The following CD1B variants were observed in gnomAD, a reference collection of about 807,000 sequenced individuals.
CD1B encodes the protein T-cell surface glycoprotein CD1b.
A neutral mutation model predicts 39.8 loss-of-function variants in CD1B; 43 were observed. The ratio of observed to expected loss-of-function variants is 1.08; its 90% CI spans 0.85 to 1.39. CD1B has a LOEUF of 1.39. CD1B is among the 40% of genes most tolerant of loss of function. The pLI is 0.00. For synonymous variants in CD1B, 192 were observed against 152.5 expected (o/e 1.26, Z -1.91); for missense variants, 495 against 403.8 (o/e 1.23, Z -1.94).
chr1:158,309,288 T>A, the CD1B span, among the ~76,000 whole-genome samples: 17 of 152,274 alleles, frequency 1.1e-4, no homozygotes, highest in African/African-American at 3.9e-4. Context: ...TGAGATACCA[T>A]CTCACAGCCT....
the CD1B span, chr1:158,293,757 A>G: frequency 1.6e-6 from 1 of 622,490 alleles, no homozygotes; most frequent in Non-Finnish European, 2.8e-6. Flanking sequence ...TGTTATGTGC[A>G]TGCAACACTT....
chr1:158,304,058 C>T, the CD1B span, among the ~76,000 whole-genome samples: 19 of 152,128 alleles, frequency 1.2e-4, 1 homozygote, highest in South Asian at 4.2e-4. Context: ...CTGAGGTACC[C>T]GGCTCATCTC....
intron 1 of CD1B, 102 bp from the exon 2 acceptor site, chr1:158,331,164 T>G: frequency 7.8e-7 from 1 of 1,276,792 alleles, no homozygotes; most frequent in Non-Finnish European, 1.1e-6. Context: ...GAACCTAGAG[T>G]CTAAAGAACA....
the CD1B span, among the ~76,000 whole-genome samples, chr1:158,299,475 C>G: frequency 4.0e-5 from 6 of 150,216 alleles, no homozygotes; most frequent in African/African-American, 1.5e-4. Flanking sequence ...CTAAAACTCT[C>G]AGCATCAGGA....
the CD1B span, among the ~76,000 whole-genome samples, chr1:158,295,628 C>T: frequency 5.9e-5 from 9 of 152,106 alleles, no homozygotes; most frequent in African/African-American, 2.2e-4. Flanking sequence ...GACTATCAGA[C>T]CTGGACAGAA....
chr1:158,324,300 T>A (rs1652277322), downstream of CD1B, among the ~76,000 whole-genome samples: 1 of 152,184 alleles, frequency 6.6e-6, no homozygotes, highest in Admixed American at 6.5e-5. Flanking sequence ...GCTGCCTACC[T>A]AGGGCCTTGA....
chr1:158,320,043 G>A, the CD1B span, among the ~76,000 whole-genome samples: 1 of 152,210 alleles, frequency 6.6e-6, no homozygotes, highest in Admixed American at 6.5e-5. Context: ...CTGCGTACTG[G>A]GAGAACCACT....
At chr1:158,312,344 C>T in the CD1B span, among the ~76,000 whole-genome samples, 3 of 152,162 alleles carry the variant, frequency 2.0e-5, no homozygotes, top group Non-Finnish European at 4.4e-5. Flanking sequence ...TCTCTTGCTG[C>T]TGCTGTGAAA....
chr1:158,301,044 C>G, the CD1B span, among the ~76,000 whole-genome samples: 1 of 151,864 alleles, frequency 6.6e-6, no homozygotes, highest in Non-Finnish European at 1.5e-5. Flanking sequence ...AGGTGTGAGC[C>G]ACCGTGCCTT....
the CD1B span, among the ~76,000 whole-genome samples, chr1:158,312,300 T>C: frequency 6.6e-6 from 1 of 152,132 alleles, no homozygotes; most frequent in Non-Finnish European, 1.5e-5. Context: ...ATGATAGTTT[T>C]AAAAACAGTA....
chr1:158,326,131 C>A (rs531995611), downstream of CD1B, among the ~76,000 whole-genome samples: 1 of 152,036 alleles, frequency 6.6e-6, no homozygotes, highest in East Asian at 1.9e-4. Flanking sequence ...CCATCATGCC[C>A]GGCTAATTTT....
the CD1B span, among the ~76,000 whole-genome samples, chr1:158,303,708 C>T: frequency 6.6e-6 from 1 of 152,036 alleles, no homozygotes; most frequent in Non-Finnish European, 1.5e-5. Flanking sequence ...AGGAATATAG[C>T]TAACCAAGAA....
the CD1B span, among the ~76,000 whole-genome samples, chr1:158,314,831 A>G: frequency 8.8e-6 from 1 of 113,378 alleles, no homozygotes; most frequent in Non-Finnish European, 1.8e-5. Context: ...AACAGTCCCC[A>G]GAGTGTGATG....
At chr1:158,292,405 C>G in the CD1B span, 8 of 1,580,926 alleles carry the variant, frequency 5.1e-6, no homozygotes, top group Non-Finnish European at 6.9e-6. Context: ...TTTTTCTATT[C>G]AAGTACTGCC....
At chr1:158,316,869 G>T in the CD1B span, among the ~76,000 whole-genome samples, 3 of 151,910 alleles carry the variant, frequency 2.0e-5, no homozygotes, top group Non-Finnish European at 4.4e-5. Flanking sequence ...GAGCATGAAG[G>T]GTTGTTGAAT....
the CD1B span, among the ~76,000 whole-genome samples, chr1:158,321,433 T>C: frequency 6.6e-5 from 10 of 152,354 alleles, no homozygotes; most frequent in South Asian, 2.1e-3. Flanking sequence ...AGGCAGCATA[T>C]AGTTGAGTCT....
At chr1:158,314,651 A>C in the CD1B span, among the ~76,000 whole-genome samples, 2 of 147,178 alleles carry the variant, frequency 1.4e-5, no homozygotes, top group African/African-American at 5.3e-5. Context: ...TGTTTTTTTT[A>C]TTTTTTTATT....
the CD1B span, among the ~76,000 whole-genome samples, chr1:158,305,581 T>C: frequency 6.6e-6 from 1 of 151,964 alleles, no homozygotes; most frequent in African/African-American, 2.4e-5. Flanking sequence ...ATACAGAGAA[T>C]GCCACAAAGA....
intron 1 of CD1B, 62 bp from the exon 2 acceptor site, chr1:158,331,124 G>A (rs1040951535): frequency 4.1e-6 from 6 of 1,458,960 alleles, no homozygotes; most frequent in Non-Finnish European, 5.6e-6. Flanking sequence ...CAATTAGGAA[G>A]AATGGGAATG....
Sources: allele counts gnomAD v4.1 joint callset (sites outside exome capture counted in the v4.1 genomes callset), GRCh38; gene constraint gnomAD v4.1.1; transcripts MANE v1.5; gene names NCBI Gene and HGNC (gene_info 2026-07-23, HGNC 2026-07-21).